The following MIER1 variants were observed in gnomAD, a reference collection of about 807,000 sequenced individuals.
MIER1 encodes mesoderm induction early response protein 1.
A neutral mutation model predicts 75.7 loss-of-function variants in MIER1; 40 were observed. The observed-to-expected ratio is 0.53, with a 90% confidence interval of 0.41 to 0.69. The LOEUF (loss-of-function observed/expected upper bound fraction) is 0.69, where lower values mean the gene tolerates loss of function less well. Among genes scored for constraint, MIER1 ranks in the 30% least tolerant of loss-of-function variants. The probability of loss-of-function intolerance (pLI) is 0.00; values close to 1 mark genes in which losing one functional copy is unlikely to be tolerated. For synonymous variants in MIER1, 213 were observed against 223.4 expected (o/e 0.95, Z 0.42); for missense variants, 574 against 680.2 (o/e 0.84, Z 1.74).
At chr1:66,940,111 G>A in intron 3 of MIER1, 59 bp downstream of exon 3, 1 of 1,258,688 alleles carries the variant, frequency 7.9e-7, no homozygotes, top group Non-Finnish European at 1.2e-6. Context: ...CCTACTAGTT[G>A]CATAAAGACT....
intron 4 of MIER1, among the ~76,000 whole-genome samples, chr1:66,949,043 A>G (rs1256534719): frequency 6.6e-6 from 1 of 152,206 alleles, no homozygotes; most frequent in Non-Finnish European, 1.5e-5. Context: ...TTTAACAATC[A>G]TAGTCACTTC....
At chr1:66,926,087 C>G (rs1370720560) in intron 1 of MIER1, 55 bp from the exon 2 acceptor site, 1 of 1,364,160 alleles carries the variant, frequency 7.3e-7, no homozygotes, top group Non-Finnish European at 1.0e-6. Context: ...GGATGGTGAG[C>G]TTGTATCATC....
At chr1:66,937,551 C>G (rs772908270) in intron 2 of MIER1, among the ~76,000 whole-genome samples, 2 of 152,012 alleles carry the variant, frequency 1.3e-5, no homozygotes, top group Non-Finnish European at 2.9e-5. Flanking sequence ...TGCCACTGCA[C>G]TTCTGCCTGG....
intron 8 of MIER1, among the ~76,000 whole-genome samples, chr1:66,968,518 T>A (rs748795978): frequency 6.6e-6 from 1 of 152,184 alleles, no homozygotes; most frequent in Non-Finnish European, 1.5e-5. Context: ...GAATTCTCCT[T>A]TTCATTGATA....
chr1:66,979,489 AT>A (rs1665469340), intron 12 of MIER1, among the ~76,000 whole-genome samples: 1 of 152,220 alleles, frequency 6.6e-6, no homozygotes, highest in African/African-American at 2.4e-5. Context: ...ACCTGGAAGA[AT>A]TGGGAACCTT....
chr1:66,984,660 T>A lies in MIER1; in HGVS notation c.1458T>A (p.Asn486Lys). 1.2e-6 allele frequency: 2 copies of A among 1,613,806 alleles called. No homozygotes were observed. The highest frequency in any genetic ancestry group is 1.7e-6 in the Non-Finnish European group (2 of 1,179,876). Residue 486 changes from asparagine (N) to lysine (K), a missense_variant, in exon 14 of 14, where the codon AAT (asparagine) becomes AAA (lysine). Asn to Lys is a moderately conservative substitution (Grantham distance 94). Around this residue, in one of 3 missense-constraint regions of MIER1, gnomAD observed 164 missense variants for 154.3 expected, o/e 1.06. Transcript: ENST00000401041. ...GLHINGPTGG[N>K]KKPLHADMDT... is the part of the protein sequence containing the mutation. ...ACATTAATGGACCAACAGGTGGAAA[T>A]AAGAAACCACTTCATGCAGATATGG...
Position 66,978,209 on chromosome 1 carries a change from A to AAG in MIER1, c.1229+1488_1229+1489insGA, listed in dbSNP as rs1553256846. Among the ~76,000 whole-genome samples, 13 of 149,464 alleles carry AAG rather than the reference A, an allele frequency of 8.7e-5. 1 individual carries two copies. The highest frequency in any genetic ancestry group is 5.9e-5 in the Non-Finnish European group (4 of 67,386). On this transcript the variant is annotated intron_variant, in intron 12 of 13. Transcript: ENST00000401041. ...AAACTCCATCTCCAAAAAAAAAAAA[A>AAG]AAAGATGTGCTTGTATGTTTATTTG...
intron 7 of MIER1, among the ~76,000 whole-genome samples, chr1:66,962,434 C>T (rs1661439616): frequency 1.3e-5 from 2 of 152,172 alleles, no homozygotes; most frequent in African/African-American, 4.8e-5. Context: ...GTCAGAATCA[C>T]CTAGAGAGCT....
At chr1:66,975,863 G>A (rs1219509870) in intron 11 of MIER1, among the ~76,000 whole-genome samples, 2 of 152,188 alleles carry the variant, frequency 1.3e-5, no homozygotes, top group Non-Finnish European at 2.9e-5. Flanking sequence ...GTTGGGACTA[G>A]TAAGAGAATC....
Position 66,986,115 on chromosome 1 carries a change from GTATCGATTT to G in MIER1, c.*1219_*1227del, listed in dbSNP as rs1666749205. The G allele has an allele frequency of 9.0e-7, 1 of 1,107,172 alleles. No homozygotes were observed. Among genetic ancestry groups the G allele is most frequent in the East Asian group, 6.2e-5 (1 of 16,108 alleles). The allele number at this position is 1,107,172 out of a possible 1,614,324, so 68.6% of individuals were successfully genotyped here. A position where few individuals can be genotyped will look rare whatever the true frequency, so the allele number is the denominator to read the frequency against. On this transcript the variant is annotated 3_prime_UTR_variant, in exon 14 of 14. Coordinates refer to ENST00000401041, the MANE Select transcript of MIER1 (RefSeq NM_001077700.3). ...CACAAGGAACAACTGTTGGCAGGCA[GTATCGATTT>G]TATGAAGAGAAAGTGAAGTTTGAAA...
At chr1:66,951,428 C>A (rs571408579) in intron 4 of MIER1, among the ~76,000 whole-genome samples, 1 of 152,096 alleles carries the variant, frequency 6.6e-6, no homozygotes, top group Non-Finnish European at 1.5e-5. Context: ...TGAGTCTGGT[C>A]GGTTTATGTT....
At chr1:66,955,872 G>T (rs1017468917) in intron 4 of MIER1, among the ~76,000 whole-genome samples, 1 of 152,074 alleles carries the variant, frequency 6.6e-6, no homozygotes, top group Non-Finnish European at 1.5e-5. Flanking sequence ...CTTAAGAAAC[G>T]TTACATGACC....
At chr1:66,935,034 G>A (rs1193731107) in intron 2 of MIER1, among the ~76,000 whole-genome samples, 1 of 152,018 alleles carries the variant, frequency 6.6e-6, no homozygotes, top group Non-Finnish European at 1.5e-5. Flanking sequence ...TTGTTCAGAC[G>A]GTAATACTCA....
rs566640569 is a variant in MIER1 at position 66,943,614 on chromosome 1, C to T, written c.194-2536C>T. Among the ~76,000 whole-genome samples, 25 of 151,484 alleles carry T rather than the reference C, an allele frequency of 1.7e-4. No homozygotes were observed. In the South Asian group the frequency reaches 5.2e-3, roughly 32 times the overall value. On this transcript the variant is annotated intron_variant, in intron 3 of 13. Coordinates refer to ENST00000401041, the MANE Select transcript of MIER1 (RefSeq NM_001077700.3). ...CTTCCTTTCTTTTTTGAGATGAGGT[C>T]TCACTGTGTTGCCCAGGCTTGTCCT...
chr1:66,925,991 T>C, intron 1 of MIER1, 151 bp from the exon 2 acceptor site: 1 of 598,168 alleles, frequency 1.7e-6, no homozygotes, highest in Non-Finnish European at 3.0e-6. Context: ...ATTGCATGAC[T>C]TAAGGCTCAT....
At chr1:66,931,653 G>T (rs1653402341) in intron 2 of MIER1, among the ~76,000 whole-genome samples, 2 of 152,130 alleles carry the variant, frequency 1.3e-5, no homozygotes, top group South Asian at 4.2e-4. Flanking sequence ...TTTGCTCTTG[G>T]TGGTTAAAGA....
At chr1:66,933,247 G>A (rs1406700232) in intron 2 of MIER1, among the ~76,000 whole-genome samples, 1 of 152,100 alleles carries the variant, frequency 6.6e-6, no homozygotes. Context: ...GGAAGAAATA[G>A]TTAATCCTTT....
chr1:66,962,941 C>G (rs985080669), intron 7 of MIER1, 147 bp from the exon 8 acceptor site: 1 of 521,736 alleles, frequency 1.9e-6, no homozygotes, highest in Non-Finnish European at 3.4e-6. Context: ...TTCATCTTCA[C>G]AAAGGTACCT....
At chr1:66,954,552 T>A (rs1659690131) in intron 4 of MIER1, among the ~76,000 whole-genome samples, 1 of 152,224 alleles carries the variant, frequency 6.6e-6, no homozygotes, top group Non-Finnish European at 1.5e-5. Flanking sequence ...GAATGACTTT[T>A]CTCCATCTGT....
Sources: gnomAD v4.1 joint callset for allele counts (sites outside exome capture counted in the v4.1 genomes callset) on GRCh38, gnomAD v4.1.1 for gene constraint, gnomAD v4.1.1 regional missense constraint, MANE v1.5 for transcripts, NCBI Gene and HGNC (gene_info 2026-07-23, HGNC 2026-07-21) for gene names.